CTNND1: variants seen among roughly 807,000 people sequenced by gnomAD.
The protein encoded by CTNND1 is catenin delta-1.
CTNND1 carries 16 observed loss-of-function variants against 112.1 expected under a neutral mutation model. The ratio of observed to expected loss-of-function variants is 0.14; its 90% CI spans 0.10 to 0.22. CTNND1 has a LOEUF of 0.22. CTNND1 is among the 10% of genes least tolerant of loss of function. CTNND1 has a pLI of 1.00. For synonymous variants in CTNND1, 420 were observed against 446.5 expected, an observed-to-expected ratio of 0.94 and a Z score of 0.75; for missense variants, 1,008 against 1,257.0, an observed-to-expected ratio of 0.80 and a Z score of 3.00.
rs2060316767 is a variant in CTNND1, at chr11:57,788,025, G to A, written c.-213-1012G>A. ...ATCCCCCGTGGTAGCAGTAATTTGG[G>A]CTTTTATTAGCAAAGAAGATTATAG... is the stretch of plus-strand genomic sequence containing the variant. On this transcript the variant is annotated intron_variant, in intron 1 of 20. Transcript: ENST00000399050. This position sits in a 1 kb window ranked among gnomAD's most constrained non-coding sequence, Gnocchi z 4.1. Among the ~76,000 whole-genome samples the A allele has an allele frequency of 6.6e-6, 1 of 152,200 alleles. No homozygotes were observed. Among genetic ancestry groups the A allele is most frequent in the Admixed American group, 6.5e-5 (1 of 15,276 alleles).
intron 4 of CTNND1, among the ~76,000 whole-genome samples, 191 bp from the exon 5 acceptor site, chr11:57,795,386 T>C (rs1397208129): frequency 2.0e-5 from 3 of 152,184 alleles, no homozygotes; most frequent in Non-Finnish European, 4.4e-5. Context: ...TGACTACAAC[T>C]GGGAAATTAT....
Position 57,819,010 on chromosome 11 carries a change from A to C in CTNND1, c.*2702A>C, listed in dbSNP as rs1302644182. The C allele has an allele frequency of 6.6e-6, 1 of 152,218 alleles. No homozygotes were observed. Among genetic ancestry groups the C allele is most frequent in the Non-Finnish European group, 1.5e-5 (1 of 68,050 alleles). The allele number at this position is 152,218 out of a possible 1,614,324, so 9.4% of individuals were successfully genotyped here. On this transcript the variant is annotated 3_prime_UTR_variant, in exon 21 of 21. Transcript: ENST00000399050. ...ATATTTTACAGACCATATTACCTGG[A>C]TTACCAGGGACTATCTTTGCTGCAG...
intron 9 of CTNND1, among the ~76,000 whole-genome samples, chr11:57,805,576 G>A (rs1295181276): frequency 1.3e-5 from 2 of 151,498 alleles, no homozygotes; most frequent in African/African-American, 4.9e-5. Context: ...TGTCACCTAT[G>A]TATTTTAAAG....
intron 2 of CTNND1, among the ~76,000 whole-genome samples, chr11:57,790,464 A>AACTCCG (rs2136637800): frequency 7.3e-6 from 1 of 137,396 alleles, no homozygotes; most frequent in Non-Finnish European, 1.6e-5. Flanking sequence ...GCTCACTGCA[A>AACTCCG]CCTCCGCTAT....
At position 57,764,621 on chromosome 11, in the gene CTNND1, T is replaced by G. The variant is rs551105960; in HGVS notation, c.-214+2502T>G. Among the ~76,000 whole-genome samples, 21 of 152,298 alleles carry G rather than the reference T, an allele frequency of 1.4e-4. No individual in the cohort carries two copies. In the East Asian group the frequency reaches 3.5e-3, roughly 25 times the overall value. On this transcript the variant is annotated intron_variant, in intron 1 of 20. Transcript: ENST00000399050. Reference sequence around the variant, plus strand: ...ATTCTAAGCATTTTGCATAAACTATTAATTTCCCACCACTGGTTTTTTTGT... The same window carrying G: ...ATTCTAAGCATTTTGCATAAACTATGAATTTCCCACCACTGGTTTTTTTGT...
chr11:57,790,139 C>T (rs913405659), intron 2 of CTNND1, among the ~76,000 whole-genome samples: 2 of 151,994 alleles, frequency 1.3e-5, no homozygotes, highest in African/African-American at 2.4e-5. Flanking sequence ...TGGAGTGCAG[C>T]GGTGCCATCT....
At chr11:57,795,846 G>A (rs966060880) in intron 5 of CTNND1, 117 bp downstream of exon 5, 4 of 1,102,722 alleles carry the variant, frequency 3.6e-6, no homozygotes, top group South Asian at 1.8e-5. Flanking sequence ...TGATCTGATT[G>A]CATGAAGTGA....
In CTNND1 at chr11:57,815,475, C is replaced by G; in HGVS notation, c.2783C>G (p.Pro928Arg). 6.2e-7 allele frequency: 1 copy of G among 1,612,106 alleles called. No individual in the cohort carries two copies. The highest frequency in any genetic ancestry group is 8.5e-7 in the Non-Finnish European group (1 of 1,179,044). Residue 928 changes from proline to arginine, a missense_variant, in exon 19 of 21, where the codon CCA becomes CGA. By Grantham distance (103) the Pro-to-Arg change is moderately radical. Around this residue, in one of 5 missense-constraint regions of CTNND1, gnomAD observed 106 missense variants for 116.2 expected, o/e 0.91. Coordinates refer to ENST00000399050, the MANE Select transcript of CTNND1 (RefSeq NM_001085458.2). ...TCGGGGGATCTAGGCGACATGGAGC[C>G]ATTGAAGGGAACAACACCCTTGATG... is the stretch of plus-strand genomic sequence containing the variant. The part of the protein sequence containing the change: ...DRSGDLGDME[P>R]LKGTTPLMQD...
chr11:57,814,545 G>A (rs1455942934), intron 18 of CTNND1, among the ~76,000 whole-genome samples, 172 bp downstream of exon 18: 3 of 152,068 alleles, frequency 2.0e-5, no homozygotes, highest in Non-Finnish European at 4.4e-5. Context: ...AATCTGATCC[G>A]TCTACTTTTT....
rs1285517738 is a variant in CTNND1, at chr11:57,796,632, C to T, written c.596C>T (p.Thr199Ile). The change falls in exon 6 of 21, where the codon ACT becomes ATT. Residue 199 changes from threonine (T) to isoleucine (I), a missense_variant. Thr to Ile is a moderately conservative substitution (Grantham distance 89). This residue lies in a region of CTNND1 where 404 missense variants were observed against 457.9 expected (regional missense o/e 0.88). Transcript: ENST00000399050. Reference protein sequence around the residue: ...GPGPYVGQAGTATLPRNFHYP... With the variant: ...GPGPYVGQAGIATLPRNFHYP... ...GGTCCCTATGTGGGGCAAGCTGGCA[C>T]TGCTACCCTTCCTAGGAACTTCCAC... The T allele has an allele frequency of 1.2e-6, 2 of 1,614,062 alleles. No individual in the cohort carries two copies. The highest frequency in any genetic ancestry group is 1.7e-6 in the Non-Finnish European group (2 of 1,179,908).
At chr11:57,814,401 G>A (rs369608400) in intron 18 of CTNND1, 28 bp downstream of exon 18, 2 of 1,561,408 alleles carry the variant, frequency 1.3e-6, no homozygotes, top group East Asian at 2.3e-5. Context: ...GCCTAAGGAT[G>A]TGGAGTAATA....
chr11:57,811,600 G>A, intron 17 of CTNND1, 114 bp downstream of exon 17: 11 of 704,820 alleles, frequency 1.6e-5, no homozygotes, highest in South Asian at 4.0e-5. Flanking sequence ...TTGTGGGAGG[G>A]GAATAATTTT....
chr11:57,768,261 A>C (rs1441919146), intron 1 of CTNND1, among the ~76,000 whole-genome samples: 3 of 152,108 alleles, frequency 2.0e-5, no homozygotes, highest in Non-Finnish European at 4.4e-5. Flanking sequence ...GTAATAGGTA[A>C]TATTGGAGAG....
At chr11:57,795,506 C>T in intron 4 of CTNND1, 71 bp from the exon 5 acceptor site, 1 of 1,506,796 alleles carries the variant, frequency 6.6e-7, no homozygotes, top group Non-Finnish European at 8.9e-7. Context: ...ACCACTTATG[C>T]TTCTTATTAG....
chr11:57,814,218 A>AGGG, intron 17 of CTNND1, 93 bp from the exon 18 acceptor site: 1 of 833,848 alleles, frequency 1.2e-6, no homozygotes, highest in Non-Finnish European at 2.0e-6. Context: ...GTGTGAATGA[A>AGGG]GGGAAGGAAG....
intron 1 of CTNND1, among the ~76,000 whole-genome samples, chr11:57,766,365 A>G (rs935939620): frequency 5.9e-5 from 9 of 152,208 alleles, no homozygotes; most frequent in African/African-American, 2.2e-4. Context: ...TATTTTTTAA[A>G]TCACTGTTTT....
chr11:57,789,003 C>A, intron 1 of CTNND1, 34 bp from the exon 2 acceptor site: 1 of 1,429,946 alleles, frequency 7.0e-7, no homozygotes, highest in Non-Finnish European at 9.5e-7. Context: ...TTATTTTCCT[C>A]TCATTCCCAT....
At chr11:57,781,771 G>A (rs2059610393) in intron 1 of CTNND1, 1 of 152,522 alleles carries the variant, frequency 6.6e-6, no homozygotes, top group Admixed American at 6.5e-5. Context: ...GAGAGATCAG[G>A]ACTTGTTAGA....
chr11:57,815,052 C>G (rs551399225), intron 18 of CTNND1, among the ~76,000 whole-genome samples: 6 of 152,180 alleles, frequency 3.9e-5, no homozygotes, highest in Middle Eastern at 3.4e-3. Context: ...CTCAGCCTCC[C>G]GAGTAGCTGG....
Sources: gnomAD v4.1 joint callset for allele counts (sites outside exome capture counted in the v4.1 genomes callset) on GRCh38, gnomAD v4.1.1 for gene constraint, gnomAD v4.1.1 regional missense constraint, Gnocchi (gnomAD v3.1) non-coding constraint, MANE v1.5 for transcripts, NCBI Gene and HGNC (gene_info 2026-07-23, HGNC 2026-07-21) for gene names.